Variants in GSTA2 observed in about 807,000 individuals in gnomAD.
GSTA2 encodes the protein glutathione S-transferase alpha 2.
GSTA2 carries 27 observed loss-of-function variants against 22.4 expected under a neutral mutation model. That is an observed-to-expected ratio of 1.21 (90% confidence interval 0.89 to 1.67). The LOEUF (loss-of-function observed/expected upper bound fraction) is 1.67, where lower values mean the gene tolerates loss of function less well. GSTA2 is among the 40% of genes most tolerant of loss of function. GSTA2 has a pLI of 0.00. For synonymous variants in GSTA2, 121 were observed against 86.8 expected, an observed-to-expected ratio of 1.39 and a Z score of -2.19; for missense variants, 302 against 260.2, an observed-to-expected ratio of 1.16 and a Z score of -1.11.
In GSTA2 at chr6:52,756,255, T is replaced by TA; in HGVS notation, c.139+2dup. 6.2e-7 allele frequency: 1 copy of TA among 1,601,556 alleles called. No individual in the cohort carries two copies. Among genetic ancestry groups the TA allele is most frequent in the Non-Finnish European group, 8.6e-7 (1 of 1,168,962 alleles). On this transcript the variant is annotated splice_region_variant and intron_variant, in intron 3 of 6. Transcript: ENST00000493422. ...ATTAGAGAAACTTAGAGGTTGATCTTACCATTTCTTAACTTGTCCAAATCT... is the reference window on the plus strand; with the variant it reads ...ATTAGAGAAACTTAGAGGTTGATCTTAACCATTTCTTAACTTGTCCAAATCT...
intron 1 of GSTA2, among the ~76,000 whole-genome samples, chr6:52,762,122 G>GCGGAAGGC (rs1561898532): frequency 1.3e-5 from 2 of 148,564 alleles, no homozygotes; most frequent in Middle Eastern, 3.3e-3. Context: ...ACAAAACACT[G>GCGGAAGGC]CGGAAGGCCG....
chr6:52,757,786 T>C, intron 2 of GSTA2, 75 bp downstream of exon 2: 1 of 1,240,464 alleles, frequency 8.1e-7, no homozygotes, highest in Non-Finnish European at 1.2e-6. Context: ...AGTAATCATC[T>C]CATAGTTTCT....
In GSTA2 at chr6:52,755,107, G is replaced by A. The variant is rs114671563; in HGVS notation, c.140-32C>T. On this transcript the variant is annotated intron_variant, in intron 3 of 6. Transcript: ENST00000493422. ...GAGGAAGAAAAAAAAGGAGAGTGAAGTGTCTATGAAACCCACCATTTCAGG... is the reference window on the plus strand; with the variant it reads ...GAGGAAGAAAAAAAAGGAGAGTGAAATGTCTATGAAACCCACCATTTCAGG... The A allele has an allele frequency of 4.6e-3, 7,345 of 1,612,914 alleles. 282 individuals are homozygous for A. The African/African-American group carries it at 0.082, about 18-fold the overall frequency.
In GSTA2 at chr6:52,750,517, A is replaced by C. The variant is rs1762715399; in HGVS notation, c.*60T>G. The C allele has an allele frequency of 4.5e-6, 7 of 1,566,198 alleles. No individual in the cohort carries two copies. Among genetic ancestry groups the C allele is most frequent in the Non-Finnish European group, 4.4e-6 (5 of 1,142,152 alleles). Reference sequence around the variant, plus strand: ...CAATCAACACTTAGGTAAAGCACTTAATTGTTGCAAAACTTTAGAATACTG... The same window carrying C: ...CAATCAACACTTAGGTAAAGCACTTCATTGTTGCAAAACTTTAGAATACTG... On this transcript the variant is annotated 3_prime_UTR_variant, in exon 7 of 7. Transcript: ENST00000493422.
intron 3 of GSTA2, among the ~76,000 whole-genome samples, chr6:52,755,995 A>C (rs1488505404): frequency 4.6e-5 from 7 of 152,276 alleles, no homozygotes; most frequent in African/African-American, 1.7e-4. Flanking sequence ...ACAGTACCCC[A>C]AGCATGAAAA....
intron 1 of GSTA2, among the ~76,000 whole-genome samples, chr6:52,759,926 G>C (rs1259411798): frequency 1.3e-5 from 2 of 152,042 alleles, no homozygotes; most frequent in African/African-American, 4.8e-5. Flanking sequence ...ATTAAAATTA[G>C]GCATCAAAAT....
chr6:52,755,571 G>C (rs755891940), intron 3 of GSTA2, among the ~76,000 whole-genome samples: 16 of 152,178 alleles, frequency 1.1e-4, no homozygotes, highest in South Asian at 1.0e-3. Flanking sequence ...TTTCCTTTTA[G>C]TTTTTATCCA....
chr6:52,760,740 C>T (rs558118796), intron 1 of GSTA2, among the ~76,000 whole-genome samples: 15 of 152,180 alleles, frequency 9.9e-5, no homozygotes, highest in Admixed American at 3.3e-4. Context: ...AAGGAGAGGG[C>T]GAGAGGGGAA....
chr6:52,762,264 A>G (rs1762965288), intron 1 of GSTA2, among the ~76,000 whole-genome samples: 1 of 152,156 alleles, frequency 6.6e-6, no homozygotes, highest in Non-Finnish European at 1.5e-5. Context: ...GTCTGTGCTG[A>G]GGAGGATTAG....
chr6:52,756,249 T>C lies in GSTA2; in HGVS notation c.139+9A>G. 6.3e-7 allele frequency: 1 copy of C among 1,598,530 alleles called. No homozygotes were observed. Among genetic ancestry groups the C allele is most frequent in the Middle Eastern group, 1.7e-4 (1 of 6,008 alleles). On this transcript the variant is annotated intron_variant, in intron 3 of 6. Coordinates refer to ENST00000493422, the MANE Select transcript of GSTA2 (RefSeq NM_000846.5). ...ACCCTCATTAGAGAAACTTAGAGGT[T>C]GATCTTACCATTTCTTAACTTGTCC... is the stretch of plus-strand genomic sequence containing the variant.
At chr6:52,761,870 A>G (rs1762956584) in intron 1 of GSTA2, among the ~76,000 whole-genome samples, 2 of 150,730 alleles carry the variant, frequency 1.3e-5, no homozygotes, top group African/African-American at 4.8e-5. Flanking sequence ...TACTATGTCT[A>G]TGTAGAAAGA....
intron 1 of GSTA2, among the ~76,000 whole-genome samples, chr6:52,759,725 C>T (rs1276274853): frequency 6.6e-6 from 1 of 151,766 alleles, no homozygotes; most frequent in African/African-American, 2.4e-5. Context: ...GCTGGGATTA[C>T]AGGCACATGC....
chr6:52,762,058 G>C (rs1762960344), intron 1 of GSTA2, among the ~76,000 whole-genome samples: 1 of 145,672 alleles, frequency 6.9e-6, no homozygotes, highest in South Asian at 2.1e-4. Context: ...ATGCCTGAAG[G>C]CAGTATGCTT....
At position 52,757,930 on chromosome 6, in the gene GSTA2, C is replaced by T. The variant is rs200631253; in HGVS notation, c.18G>A (p.Lys6=). 19 of 1,613,558 alleles carry T rather than the reference C, an allele frequency of 1.2e-5. No homozygotes were observed. The East Asian group carries it at 3.1e-4, about 26-fold the overall frequency. The change falls in exon 2 of 7, where the codon AAG becomes AAA. Residue 6 remains lysine, a synonymous_variant. Transcript: ENST00000493422. MAEKP[K]LHYSNIRGRM... ...TGCCCCGTATATTGGAGTAGTGGAG[C>T]TTGGGCTTCTCTGCCATGGTAGCAG...
intron 2 of GSTA2, among the ~76,000 whole-genome samples, chr6:52,756,995 C>A (rs1393458852): frequency 2.8e-5 from 4 of 142,238 alleles, no homozygotes; most frequent in Non-Finnish European, 6.1e-5. Context: ...GAAGCCTCCT[C>A]CCCTCATTTT....
rs56672732 is a variant in GSTA2 at position 52,752,695 on chromosome 6, C to T, written c.414+159G>A. 2.3e-3 allele frequency among the ~76,000 whole-genome samples: 352 copies of T among 152,214 alleles called. 1 individual carries two copies. Among genetic ancestry groups the T allele is most frequent in the African/African-American group, 8.1e-3 (337 of 41,530 alleles). ...GGTATAAGTGATACAATTGTTTCTC[C>T]AAGTCTATTTTCATAAAATGCCTTG... On this transcript the variant is annotated intron_variant, in intron 5 of 6. Transcript: ENST00000493422.
At chr6:52,756,707 G>T (rs1008306578) in intron 2 of GSTA2, among the ~76,000 whole-genome samples, 1 of 152,220 alleles carries the variant, frequency 6.6e-6, no homozygotes, top group African/African-American at 2.4e-5. Flanking sequence ...GGCATGACAT[G>T]GGCTAATGGC....
At chr6:52,762,095 G>A (rs1472178334) in intron 1 of GSTA2, among the ~76,000 whole-genome samples, 2 of 152,102 alleles carry the variant, frequency 1.3e-5, no homozygotes, top group Non-Finnish European at 2.9e-5. Context: ...ATTCAGTAAT[G>A]TCAAGTACCC....
intron 2 of GSTA2, among the ~76,000 whole-genome samples, 190 bp from the exon 3 acceptor site, chr6:52,756,499 C>G (rs1762848552): frequency 1.3e-5 from 2 of 152,216 alleles, no homozygotes; most frequent in Admixed American, 1.3e-4. Context: ...GCATGGGTCA[C>G]AGCACATAGC....
Sources: allele counts gnomAD v4.1 joint callset (sites outside exome capture counted in the v4.1 genomes callset), GRCh38; gene constraint gnomAD v4.1.1; transcripts MANE v1.5; gene names NCBI Gene and HGNC (gene_info 2026-07-23, HGNC 2026-07-21).